EGLN1: variants seen among roughly 807,000 people sequenced by gnomAD.
EGLN1 encodes the protein egl-9 family hypoxia inducible factor 1, also known as egl nine homolog 1.
A neutral mutation model predicts 38.3 loss-of-function variants in EGLN1; 17 were observed. The ratio of observed to expected loss-of-function variants is 0.44; its 90% CI spans 0.30 to 0.67. EGLN1 has a LOEUF of 0.67. EGLN1 is among the 30% of genes least tolerant of loss of function. The probability of loss-of-function intolerance (pLI) is 0.08; values close to 1 mark genes in which losing one functional copy is unlikely to be tolerated. For synonymous variants in EGLN1, 283 were observed against 257.5 expected (o/e 1.10, Z -0.95); for missense variants, 477 against 603.3 (o/e 0.79, Z 2.19).
chr1:231,387,744 A>G (rs1401969160), intron 1 of EGLN1, among the ~76,000 whole-genome samples: 17 of 152,194 alleles, frequency 1.1e-4, no homozygotes, highest in Admixed American at 7.9e-4. Context: ...AACAACTATT[A>G]AGAAGTCAAG....
chr1:231,383,953 G>A (rs1572027762), intron 1 of EGLN1, among the ~76,000 whole-genome samples: 2 of 150,914 alleles, frequency 1.3e-5, no homozygotes, highest in East Asian at 3.8e-4. Context: ...CAAAAATAAA[G>A]AGTTTTGAAT....
At chr1:231,396,835 GAACT>G (rs1688542173) in intron 1 of EGLN1, among the ~76,000 whole-genome samples, 2 of 152,092 alleles carry the variant, frequency 1.3e-5, no homozygotes, top group Non-Finnish European at 2.9e-5. Context: ...CGGAAACTTA[GAACT>G]ATCATCCTTG....
intron 1 of EGLN1, among the ~76,000 whole-genome samples, chr1:231,406,553 G>A (rs188349604): frequency 6.6e-6 from 1 of 152,050 alleles, no homozygotes. Flanking sequence ...CATTATTTAT[G>A]GGGGAAAAGA....
chr1:231,375,108 G>C (rs776167046), intron 1 of EGLN1, among the ~76,000 whole-genome samples: 2 of 152,162 alleles, frequency 1.3e-5, no homozygotes, highest in Non-Finnish European at 2.9e-5. Context: ...GACCAGGCTA[G>C]AGTGCAGTGG....
intron 1 of EGLN1, among the ~76,000 whole-genome samples, chr1:231,408,529 A>G (rs1188543801): frequency 6.6e-6 from 1 of 152,158 alleles, no homozygotes; most frequent in East Asian, 1.9e-4. Flanking sequence ...TAGTACATGG[A>G]GAAAAATGAA....
chr1:231,417,500 AG>A (rs1390345802), intron 1 of EGLN1, among the ~76,000 whole-genome samples: 1 of 152,130 alleles, frequency 6.6e-6, no homozygotes, highest in Non-Finnish European at 1.5e-5. Context: ...CCCCAAGTCA[AG>A]GCACACTACT....
chr1:231,391,091 T>TG (rs1558387149), intron 1 of EGLN1, among the ~76,000 whole-genome samples: 1,068 of 41,392 alleles, frequency 0.026, 165 homozygotes, highest in East Asian at 0.073. Context: ...CTGTTTTTTT[T>TG]TTGTGTGTGT....
chr1:231,382,661 CTG>C (rs1433366940), intron 1 of EGLN1, among the ~76,000 whole-genome samples: 1 of 152,166 alleles, frequency 6.6e-6, no homozygotes, highest in East Asian at 1.9e-4. Context: ...CCTGCTGGTT[CTG>C]TTAGTTCCCC....
At chr1:231,416,871 T>TTAA (rs1400126101) in intron 1 of EGLN1, among the ~76,000 whole-genome samples, 11 of 152,164 alleles carry the variant, frequency 7.2e-5, no homozygotes, top group Non-Finnish European at 1.3e-4. Flanking sequence ...ACATACAGAG[T>TTAA]AACTCACTTT....
chr1:231,420,924 G>C, intron 1 of EGLN1, 74 bp downstream of exon 1: 2 of 1,612,714 alleles, frequency 1.2e-6, no homozygotes, highest in Non-Finnish European at 1.7e-6. Flanking sequence ...TCTCAGCCTA[G>C]GCAGTTTCAG....
intron 1 of EGLN1, among the ~76,000 whole-genome samples, chr1:231,389,111 T>C (rs1344335062): frequency 6.6e-6 from 1 of 152,234 alleles, no homozygotes; most frequent in Non-Finnish European, 1.5e-5. Context: ...GTGATCTCAA[T>C]TGAATCAACA....
At chr1:231,418,149 T>TA (rs943124100) in intron 1 of EGLN1, among the ~76,000 whole-genome samples, 4 of 152,120 alleles carry the variant, frequency 2.6e-5, no homozygotes, top group Non-Finnish European at 4.4e-5. Context: ...TGCAATCACA[T>TA]AAAAAAACCA....
rs531019844 is a variant in EGLN1, at chr1:231,422,222, A to T, written c.-334T>A. On this transcript the variant is annotated 5_prime_UTR_variant, in exon 1 of 5. It removes the in-frame stop codon of an upstream open reading frame in the 5' UTR. Coordinates refer to ENST00000366641, the MANE Select transcript of EGLN1 (RefSeq NM_022051.3). ...CCCCCTCGGCCGCCGCCGCCGCCTC[A>T]GCGTCCCGGGCGGCCCGGCCCAGGC... 5.5e-6 allele frequency: 1 copy of T among 181,218 alleles called. No individual in the cohort carries two copies. The highest frequency in any genetic ancestry group is 6.3e-5 in the Admixed American group (1 of 15,784). The allele number at this position is 181,218 out of a possible 1,614,324, so 11.2% of individuals were successfully genotyped here. A position where few individuals can be genotyped will look rare whatever the true frequency, so the allele number is the denominator to read the frequency against.
rs760247413 is a variant in EGLN1 at position 231,421,685 on chromosome 1, T to C, written c.204A>G (p.Gly68=). The change falls in exon 1 of 5, where the codon GGA becomes GGG. Residue 68 remains glycine (G), a synonymous_variant. Transcript: ENST00000366641. The surrounding 1 kb of genome is among the most constrained non-coding windows in gnomAD (Gnocchi z 5.5). ...GGCCGGAATGCTGGTGTGGGCCCAC[T>C]CCGTGGCCGAGGGCGCCCTCGCTGC... ...CQGSEGALGH[G]VGPHQHSGPA... The C allele has an allele frequency of 2.0e-6, 3 of 1,506,678 alleles. No individual in the cohort carries two copies. In the African/African-American group the frequency reaches 4.3e-5, roughly 22 times the overall value. 93.3% of individuals were successfully genotyped at this position (1,506,678 alleles called of 1,614,324 possible).
chr1:231,387,274 G>A (rs1688242496), intron 1 of EGLN1, among the ~76,000 whole-genome samples: 1 of 144,862 alleles, frequency 6.9e-6, no homozygotes, highest in Non-Finnish European at 1.5e-5. Flanking sequence ...ATTAAATAAA[G>A]ACAGAATACT....
At chr1:231,373,395 T>C (rs1687876520) in intron 2 of EGLN1, among the ~76,000 whole-genome samples, 1 of 152,160 alleles carries the variant, frequency 6.6e-6, no homozygotes, top group South Asian at 2.1e-4. Context: ...CTAAAAACTA[T>C]TAAAAGGAAA....
At chr1:231,379,911 G>A (rs932759483) in intron 1 of EGLN1, among the ~76,000 whole-genome samples, 2 of 152,164 alleles carry the variant, frequency 1.3e-5, no homozygotes, top group Admixed American at 6.5e-5. Flanking sequence ...ATCTTTTTAA[G>A]TCTCTTCCCT....
intron 3 of EGLN1, 116 bp downstream of exon 3, chr1:231,370,446 G>C: frequency 9.3e-7 from 1 of 1,072,260 alleles, no homozygotes; most frequent in Non-Finnish European, 1.4e-6. Flanking sequence ...AAATTAAAAT[G>C]ACTGTGAAAA....
chr1:231,372,537 G>GA (rs140104542), intron 2 of EGLN1, among the ~76,000 whole-genome samples: 2,265 of 152,094 alleles, frequency 0.015, 55 homozygotes, highest in African/African-American at 0.051. Flanking sequence ...CACAAAATCT[G>GA]AAAAAAAGTC....
Sources: gnomAD v4.1 joint callset for allele counts (sites outside exome capture counted in the v4.1 genomes callset) on GRCh38, gnomAD v4.1.1 for gene constraint, Gnocchi (gnomAD v3.1) non-coding constraint, MANE v1.5 for transcripts, NCBI Gene and HGNC (gene_info 2026-07-23, HGNC 2026-07-21) for gene names.